The following CTSL variants were observed in gnomAD, a reference collection of about 807,000 sequenced individuals.
CTSL encodes the protein procathepsin L.
In CTSL, 23 loss-of-function variants were observed where a neutral mutation model predicts 34.7. The observed-to-expected ratio is 0.66, with a 90% CI of 0.48 to 0.94. The LOEUF (loss-of-function observed/expected upper bound fraction) is 0.94. Ranked by LOEUF, CTSL falls within the 40% of genes least tolerant of loss-of-function variation. CTSL has a pLI of 0.00. For missense variants in CTSL, 361 were observed against 406.3 expected (o/e 0.89, Z 0.96); for synonymous variants, 129 against 136.7 (o/e 0.94, Z 0.39).
rs1187745382 is a variant in CTSL at position 87,727,739 on chromosome 9, A to C, written c.126+10A>C. 1 of 1,613,974 alleles carries C rather than the reference A, an allele frequency of 6.2e-7. No individual in the cohort carries two copies. Among genetic ancestry groups the C allele is most frequent in the South Asian group, 1.1e-5 (1 of 90,990 alleles). ...CAGATTATACGGCATGGTTAGTGAAACTTCCCCAGAAAGAATAGTCCTGGC... is the reference window on the plus strand; with the variant it reads ...CAGATTATACGGCATGGTTAGTGAACCTTCCCCAGAAAGAATAGTCCTGGC... On this transcript the variant is annotated intron_variant, in intron 2 of 7. Transcript: ENST00000343150.
chr9:87,729,127 C>T (rs1826155303), intron 5 of CTSL: 2 of 555,586 alleles, frequency 3.6e-6, no homozygotes, highest in East Asian at 3.0e-5. Flanking sequence ...TGTGCAAATG[C>T]ACTCTCCAGT....
At chr9:87,729,013 T>A in intron 5 of CTSL, 19 of 1,351,212 alleles carry the variant, frequency 1.4e-5, no homozygotes, top group Non-Finnish European at 1.9e-5. Context: ...AGGTGAAACC[T>A]TGACTCTATC....
At position 87,728,103 on chromosome 9, in the gene CTSL, A is replaced by C. The variant is rs372816567; in HGVS notation, c.203A>C (p.Glu68Ala). Residue 68 changes from glutamate (E) to alanine (A), a missense_variant, in exon 3 of 8, where the codon GAA becomes GCA. Coordinates refer to ENST00000343150, the MANE Select transcript of CTSL (RefSeq NM_001912.5). ...MIELHNQEYREGKHSFTMAMN... is the reference protein window; with the variant it reads ...MIELHNQEYRAGKHSFTMAMN... ...GAACTGCACAATCAGGAATACAGGGAAGGGAAACACAGCTTCACAATGGCC... is the reference window on the plus strand; with the variant it reads ...GAACTGCACAATCAGGAATACAGGGCAGGGAAACACAGCTTCACAATGGCC... The C allele has an allele frequency of 1.9e-5, 30 of 1,614,038 alleles. No homozygotes were observed. The highest frequency in any genetic ancestry group is 2.5e-5 in the Non-Finnish European group (30 of 1,180,006).
chr9:87,729,115 G>T, intron 5 of CTSL: 1 of 607,614 alleles, frequency 1.6e-6, no homozygotes, highest in Non-Finnish European at 2.6e-6. Flanking sequence ...GTGGGAGGTG[G>T]TTGTGCAAAT....
intron 2 of CTSL, 71 bp downstream of exon 2, chr9:87,727,800 G>C (rs1012938051): frequency 2.0e-5 from 31 of 1,579,190 alleles, no homozygotes; most frequent in Non-Finnish European, 2.6e-5. Context: ...AGCTTCTAGA[G>C]GCCAGCTTTT....
Position 87,729,652 on chromosome 9 carries a change from C to T in CTSL, c.701C>T (p.Ala234Val), listed in dbSNP as rs746983476. 3.1e-6 allele frequency: 5 copies of T among 1,613,914 alleles called. No homozygotes were observed. The change falls in exon 6 of 8, where the codon GCC (alanine) becomes GTC (valine). Residue 234 changes from alanine to valine, a missense_variant. Physicochemically the swap from Ala to Val is moderately conservative, Grantham distance 64. Coordinates refer to ENST00000343150, the MANE Select transcript of CTSL (RefSeq NM_001912.5). ...GFVDIPKQEK[A>V]LMKAVATVGP... The stretch of plus-strand genomic sequence containing the variant: ...GTGGACATCCCTAAGCAGGAGAAGG[C>T]CCTGATGAAGGCAGTTGCAACTGTG...
intron 4 of CTSL, 69 bp downstream of exon 4, chr9:87,728,465 T>A (rs540523536): frequency 6.3e-6 from 10 of 1,580,160 alleles, no homozygotes; most frequent in Non-Finnish European, 8.6e-6. Context: ...CATCTTTGTT[T>A]TGGTAGACTT....
At chr9:87,727,038 CAAAAAATA>C (rs1332233304) in intron 1 of CTSL, among the ~76,000 whole-genome samples, 2 of 119,456 alleles carry the variant, frequency 1.7e-5, no homozygotes, top group Non-Finnish European at 3.6e-5. Context: ...GACTCCATCT[CAAAAAATA>C]AATAAATAAA....
Position 87,728,135 on chromosome 9 carries a change from G to A in CTSL, c.235G>A (p.Ala79Thr), listed in dbSNP as rs111258561. 856 of 1,614,186 alleles carry A rather than the reference G, an allele frequency of 5.3e-4. 2 individuals carry two copies. Among genetic ancestry groups the A allele is most frequent in the African/African-American group, 2.3e-3 (169 of 75,062 alleles). ...ACACAGCTTCACAATGGCCATGAACGCCTTTGGAGACATGGTAAGTGTGCT... is the reference window on the plus strand; with the variant it reads ...ACACAGCTTCACAATGGCCATGAACACCTTTGGAGACATGGTAAGTGTGCT... The part of the protein sequence containing the change: ...GKHSFTMAMN[A>T]FGDMTSEEFR... Residue 79 changes from alanine (A) to threonine (T), a missense_variant, in exon 3 of 8, where the codon GCC becomes ACC. Coordinates refer to ENST00000343150, the MANE Select transcript of CTSL (RefSeq NM_001912.5).
At chr9:87,729,914 G>A (rs1175546496) in intron 6 of CTSL, among the ~76,000 whole-genome samples, 179 bp downstream of exon 6, 10 of 152,092 alleles carry the variant, frequency 6.6e-5, no homozygotes, top group East Asian at 5.8e-4. Flanking sequence ...ATTATGTTGC[G>A]TATATCTCCA....
Position 87,729,662 on chromosome 9 carries a change from G to A in CTSL, c.711G>A (p.Lys237=), listed in dbSNP as rs1826180403. Residue 237 remains lysine, a synonymous_variant, in exon 6 of 8, where the codon AAG becomes AAA. Transcript: ENST00000343150. ...CTAAGCAGGAGAAGGCCCTGATGAAGGCAGTTGCAACTGTGGGGCCCATTT... is the reference window on the plus strand; with the variant it reads ...CTAAGCAGGAGAAGGCCCTGATGAAAGCAGTTGCAACTGTGGGGCCCATTT... The part of the protein sequence containing the change: ...DIPKQEKALM[K]AVATVGPISV... 6.2e-7 allele frequency: 1 copy of A among 1,614,124 alleles called. No individual in the cohort carries two copies. Among genetic ancestry groups the A allele is most frequent in the Non-Finnish European group, 8.5e-7 (1 of 1,180,006 alleles).
intron 5 of CTSL, chr9:87,729,021 A>G (rs1826151922): frequency 2.3e-6 from 3 of 1,323,388 alleles, no homozygotes; most frequent in Non-Finnish European, 3.0e-6. Context: ...CCTTGACTCT[A>G]TCAAAAATAC....
At chr9:87,729,094 ATTGC>A (rs1281836694) in intron 5 of CTSL, 4 of 713,858 alleles carry the variant, frequency 5.6e-6, no homozygotes, top group African/African-American at 5.3e-5. Context: ...AGGTAGGGCG[ATTGC>A]TTGAGTGTGG....
intron 5 of CTSL, 56 bp downstream of exon 5, chr9:87,728,865 A>G (rs2378757): frequency 1.2e-6 from 2 of 1,611,980 alleles, no homozygotes; most frequent in South Asian, 1.1e-5. Flanking sequence ...TGGACACTTT[A>G]AGAGATAACA....
chr9:87,728,137 C>T lies in CTSL; in HGVS notation c.237C>T (p.Ala79=). Residue 79 remains alanine (A), a synonymous_variant, in exon 3 of 8, where the codon GCC becomes GCT. Transcript: ENST00000343150. Reference sequence around the variant, plus strand: ...ACAGCTTCACAATGGCCATGAACGCCTTTGGAGACATGGTAAGTGTGCTGT... The same window carrying T: ...ACAGCTTCACAATGGCCATGAACGCTTTTGGAGACATGGTAAGTGTGCTGT... ...GKHSFTMAMN[A]FGDMTSEEFR... is the part of the protein sequence containing the mutation. The T allele has an allele frequency of 2.5e-6, 4 of 1,614,198 alleles. No homozygotes were observed. Among genetic ancestry groups the T allele is most frequent in the Non-Finnish European group, 3.4e-6 (4 of 1,180,036 alleles).
At chr9:87,730,077 A>C (rs773576842) in intron 6 of CTSL, among the ~76,000 whole-genome samples, 12 of 152,062 alleles carry the variant, frequency 7.9e-5, no homozygotes, top group Non-Finnish European at 1.8e-4. Context: ...TGATTCAAGG[A>C]TTTTAGTGTT....
Position 87,727,624 on chromosome 9 carries a change from T to A in CTSL, c.21T>A (p.Leu7=). MNPTLI[L]AAFCLGIASA... is the part of the protein sequence containing the mutation. ...AAAACATGAATCCTACACTCATCCT[T>A]GCTGCCTTTTGCCTGGGAATTGCCT... Residue 7 remains leucine, a synonymous_variant, in exon 2 of 8, where the codon CTT becomes CTA. Coordinates refer to ENST00000343150, the MANE Select transcript of CTSL (RefSeq NM_001912.5). The A allele has an allele frequency of 6.2e-7, 1 of 1,614,160 alleles. No individual in the cohort carries two copies. The highest frequency in any genetic ancestry group is 8.5e-7 in the Non-Finnish European group (1 of 1,180,038).
intron 1 of CTSL, 120 bp from the exon 2 acceptor site, chr9:87,727,474 T>C: frequency 9.2e-7 from 1 of 1,082,968 alleles, no homozygotes. Flanking sequence ...CTTGGGTAAA[T>C]GCTTGGGAGA....
intron 2 of CTSL, 77 bp from the exon 3 acceptor site, chr9:87,727,950 G>C: frequency 1.3e-6 from 2 of 1,591,732 alleles, no homozygotes; most frequent in Non-Finnish European, 1.7e-6. Context: ...TTCCATCTCT[G>C]TCTGCAGATT....
Sources: allele counts gnomAD v4.1 joint callset (sites outside exome capture counted in the v4.1 genomes callset), GRCh38; gene constraint gnomAD v4.1.1; transcripts MANE v1.5; gene names NCBI Gene and HGNC (gene_info 2026-07-23, HGNC 2026-07-21).